NTNG1: variants seen among roughly 807,000 people sequenced by gnomAD.
NTNG1 encodes the protein netrin G1, also known as netrin-G1.
NTNG1 carries 16 observed loss-of-function variants against 54.0 expected under a neutral mutation model. That is an observed-to-expected ratio of 0.30 (90% CI 0.20 to 0.45). The LOEUF is 0.45. NTNG1 is among the 20% of genes least tolerant of loss of function. The pLI is 1.00. For missense variants in NTNG1, 530 were observed against 678.7 expected (o/e 0.78, Z 2.43); for synonymous variants, 255 against 263.1 (o/e 0.97, Z 0.30).
intron 5 of NTNG1, among the ~76,000 whole-genome samples, chr1:107,422,314 C>G (rs192755809): frequency 6.6e-6 from 1 of 151,790 alleles, no homozygotes; most frequent in Admixed American, 6.6e-5. Flanking sequence ...CATAGGGATG[C>G]CATATGGAAA....
intron 7 of NTNG1, chr1:107,455,605 A>T (rs1487585022): frequency 2.0e-6 from 1 of 495,836 alleles, no homozygotes. Context: ...CCACAAAGTG[A>T]CTCTACTCCA....
chr1:107,220,337 TTC>T (rs1350812463), intron 2 of NTNG1, among the ~76,000 whole-genome samples: 1 of 152,224 alleles, frequency 6.6e-6, no homozygotes, highest in Non-Finnish European at 1.5e-5. Context: ...GGTCTGTGGA[TTC>T]TCTCAGCTTT....
chr1:107,418,695 GA>G (rs1674377890), intron 5 of NTNG1: 2 of 1,256,854 alleles, frequency 1.6e-6, no homozygotes, highest in East Asian at 4.9e-5. Context: ...ATGTTTGGGG[GA>G]AAATCCTATA....
At chr1:107,273,928 A>G (rs1664311708) in intron 2 of NTNG1, among the ~76,000 whole-genome samples, 1 of 141,538 alleles carries the variant, frequency 7.1e-6, no homozygotes. Flanking sequence ...GAATTACTGA[A>G]GTGATTTATC....
intron 2 of NTNG1, among the ~76,000 whole-genome samples, chr1:107,263,050 A>T (rs80125645): frequency 0.041 from 6,302 of 152,334 alleles, 166 homozygotes; most frequent in Middle Eastern, 0.068. Context: ...TACTGTGCAA[A>T]CAATTCTGAT....
At chr1:107,189,235 C>T (rs986568704) in intron 2 of NTNG1, among the ~76,000 whole-genome samples, 15 of 151,280 alleles carry the variant, frequency 9.9e-5, no homozygotes, top group Non-Finnish European at 1.6e-4. Flanking sequence ...CCTGTAGTTC[C>T]ACCTACTCCA....
At chr1:107,386,314 C>A (rs917337884) in intron 3 of NTNG1, among the ~76,000 whole-genome samples, 2 of 151,826 alleles carry the variant, frequency 1.3e-5, no homozygotes, top group East Asian at 3.9e-4. Flanking sequence ...GGATTACAGG[C>A]GCCCGCCACC....
intron 2 of NTNG1, among the ~76,000 whole-genome samples, chr1:107,232,947 A>G (rs1373027183): frequency 6.6e-6 from 1 of 152,248 alleles, no homozygotes; most frequent in East Asian, 1.9e-4. Flanking sequence ...AGGTTTATGC[A>G]CAAATCTCAT....
chr1:107,256,029 G>T (rs956484032), intron 2 of NTNG1, among the ~76,000 whole-genome samples: 13 of 152,214 alleles, frequency 8.5e-5, no homozygotes, highest in Non-Finnish European at 1.5e-4. Flanking sequence ...CAGTGCATCT[G>T]TAAGAATGTG....
chr1:107,447,738 C>G (rs1201743187), intron 7 of NTNG1, among the ~76,000 whole-genome samples: 2 of 152,020 alleles, frequency 1.3e-5, no homozygotes, highest in Non-Finnish European at 2.9e-5. Context: ...AGATCATACT[C>G]TACTCTACAG....
intron 7 of NTNG1, among the ~76,000 whole-genome samples, chr1:107,476,068 C>A (rs1381913696): frequency 6.6e-6 from 1 of 152,180 alleles, no homozygotes; most frequent in Non-Finnish European, 1.5e-5. Flanking sequence ...GTTTATTTTG[C>A]ATATTTCATT....
chr1:107,388,050 T>C (rs1190421620), intron 3 of NTNG1, among the ~76,000 whole-genome samples: 1 of 152,216 alleles, frequency 6.6e-6, no homozygotes, highest in African/African-American at 2.4e-5. Flanking sequence ...GTATGTTTCA[T>C]CTTCTCTACT....
intron 2 of NTNG1, among the ~76,000 whole-genome samples, chr1:107,323,885 A>C (rs1006350429): frequency 5.3e-5 from 8 of 152,180 alleles, no homozygotes; most frequent in South Asian, 4.1e-4. Flanking sequence ...TGACTTTTTA[A>C]AGAAGTGTAC....
chr1:107,281,932 G>T (rs1168147889), intron 2 of NTNG1, among the ~76,000 whole-genome samples: 1 of 152,124 alleles, frequency 6.6e-6, no homozygotes, highest in Admixed American at 6.6e-5. Context: ...ACAGTTTTCA[G>T]ATCAGCACTA....
rs554100075 is a variant in NTNG1 at position 107,219,813 on chromosome 1, G to T, written c.246+70974G>T. Among the ~76,000 whole-genome samples, 5 of 152,174 alleles carry T rather than the reference G, an allele frequency of 3.3e-5. No individual in the cohort carries two copies. The South Asian group carries it at 1.0e-3, about 31-fold the overall frequency. On this transcript the variant is annotated intron_variant, in intron 2 of 7. Transcript: ENST00000370068. Reference sequence around the variant, plus strand: ...GTGGAGGTAGCAGGGGAGTGAAGTGGACTCTGTGAGGGTCCTTGGTAGCAT... The same window carrying T: ...GTGGAGGTAGCAGGGGAGTGAAGTGTACTCTGTGAGGGTCCTTGGTAGCAT...
At chr1:107,385,669 C>T (rs1406854777) in intron 3 of NTNG1, among the ~76,000 whole-genome samples, 1 of 151,736 alleles carries the variant, frequency 6.6e-6, no homozygotes, top group Non-Finnish European at 1.5e-5. Context: ...CTCCTAACAA[C>T]CCCTTTTGTA....
chr1:107,199,764 C>A (rs534990805), intron 2 of NTNG1, among the ~76,000 whole-genome samples: 2 of 151,956 alleles, frequency 1.3e-5, no homozygotes, highest in African/African-American at 4.8e-5. Flanking sequence ...AATTCAGAGA[C>A]CCAACTCTGG....
At chr1:107,471,288 C>T (rs1057428698) in intron 7 of NTNG1, among the ~76,000 whole-genome samples, 4 of 152,164 alleles carry the variant, frequency 2.6e-5, no homozygotes, top group Non-Finnish European at 4.4e-5. Flanking sequence ...CCAAGTAGGT[C>T]GGATGCTGTC....
At chr1:107,199,217 GT>G (rs1658549441) in intron 2 of NTNG1, among the ~76,000 whole-genome samples, 1 of 151,182 alleles carries the variant, frequency 6.6e-6, no homozygotes, top group Non-Finnish European at 1.5e-5. Flanking sequence ...TATCTCCCCA[GT>G]TTTCTTAATT....
Sources: allele counts gnomAD v4.1 joint callset (sites outside exome capture counted in the v4.1 genomes callset), GRCh38; gene constraint gnomAD v4.1.1; transcripts MANE v1.5; gene names NCBI Gene and HGNC (gene_info 2026-07-23, HGNC 2026-07-21).